The following CHIC1 variants were observed in gnomAD, a reference collection of about 807,000 sequenced individuals.
CHIC1 encodes cysteine-rich hydrophobic domain-containing protein 1.
CHIC1 carries 7 observed loss-of-function variants against 18.5 expected under a neutral mutation model. The observed-to-expected ratio is 0.38, with a 90% confidence interval of 0.22 to 0.71. CHIC1 has a LOEUF of 0.71. Among genes scored for constraint, CHIC1 ranks in the 30% least tolerant of loss-of-function variants. CHIC1 has a pLI of 0.49. For synonymous variants in CHIC1, 77 were observed against 73.5 expected, an observed-to-expected ratio of 1.05 and a Z score of -0.25; for missense variants, 159 against 176.9, an observed-to-expected ratio of 0.90 and a Z score of 0.57.
chrX:73,565,668 G>A (rs1053169450), intron 1 of CHIC1, among the ~76,000 whole-genome samples: 20 of 111,816 alleles, frequency 1.8e-4, no homozygotes, highest in Admixed American at 9.5e-5. Context: ...AATTTAACTG[G>A]ATCTGAGAAA....
At chrX:73,577,676 T>C (rs1327969442) in intron 2 of CHIC1, among the ~76,000 whole-genome samples, 3 of 110,763 alleles carry the variant, frequency 2.7e-5, no homozygotes, top group Non-Finnish European at 5.7e-5. Context: ...CCAGCCATTA[T>C]TTATTTGTCC....
intron 3 of CHIC1, among the ~76,000 whole-genome samples, chrX:73,627,863 G>C (rs774750080): frequency 1.1e-3 from 123 of 111,684 alleles, no homozygotes; most frequent in African/African-American, 3.7e-3. Flanking sequence ...TCTTAGTCAG[G>C]AGTTTTGCCC....
intron 5 of CHIC1, among the ~76,000 whole-genome samples, chrX:73,679,966 T>C: frequency 9.0e-6 from 1 of 111,597 alleles, no homozygotes; most frequent in Non-Finnish European, 1.9e-5. Context: ...ACCTTAATCA[T>C]TTAACATAGG....
chrX:73,619,870 C>T (rs67250530), intron 3 of CHIC1, among the ~76,000 whole-genome samples: 5,173 of 110,363 alleles, frequency 0.047, 323 homozygotes, highest in African/African-American at 0.16. Flanking sequence ...CCCCCACCCC[C>T]CAAAAGGCCC....
intron 3 of CHIC1, among the ~76,000 whole-genome samples, chrX:73,650,973 CA>C (rs2057913417): frequency 9.0e-6 from 1 of 111,620 alleles, no homozygotes; most frequent in Admixed American, 9.5e-5. Flanking sequence ...AGCAGCACAT[CA>C]AAAAACTTAT....
At chrX:73,574,307 T>A (rs1360529366) in intron 1 of CHIC1, among the ~76,000 whole-genome samples, 1 of 111,105 alleles carries the variant, frequency 9.0e-6, no homozygotes, top group Non-Finnish European at 1.9e-5. Context: ...AACTTTTTGA[T>A]GTGCTGCTGG....
intron 3 of CHIC1, among the ~76,000 whole-genome samples, chrX:73,672,162 C>T (rs2058034482): frequency 8.9e-6 from 1 of 111,807 alleles, no homozygotes. Flanking sequence ...TTAATCCAGT[C>T]TATTGTTGTT....
intron 3 of CHIC1, among the ~76,000 whole-genome samples, chrX:73,640,344 A>G (rs1428555618): frequency 2.3e-4 from 26 of 111,773 alleles, no homozygotes; most frequent in Non-Finnish European, 4.5e-4. Context: ...ATTTATTTTC[A>G]TATATTGAAC....
At chrX:73,600,793 G>T (rs1282091146) in intron 3 of CHIC1, among the ~76,000 whole-genome samples, 2 of 106,808 alleles carry the variant, frequency 1.9e-5, no homozygotes, top group Non-Finnish European at 3.8e-5. Context: ...GTCTAAAAGT[G>T]TGCTGTATTC....
At chrX:73,655,401 A>G (rs2057937945) in intron 3 of CHIC1, among the ~76,000 whole-genome samples, 1 of 98,857 alleles carries the variant, frequency 1.0e-5, no homozygotes, top group African/African-American at 3.7e-5. Flanking sequence ...ATATGTACAT[A>G]TATATACAAT....
chrX:73,674,919 A>G (rs1337541009), intron 3 of CHIC1, among the ~76,000 whole-genome samples: 1 of 111,509 alleles, frequency 9.0e-6, no homozygotes, highest in Non-Finnish European at 1.9e-5. Flanking sequence ...TGTCCCAGAG[A>G]TTCTGGTATG....
chrX:73,646,486 C>T, intron 3 of CHIC1, among the ~76,000 whole-genome samples: 2 of 111,887 alleles, frequency 1.8e-5, no homozygotes, highest in Middle Eastern at 4.7e-3. Flanking sequence ...AATATCCTTC[C>T]ATTTGTGTGT....
intron 1 of CHIC1, among the ~76,000 whole-genome samples, chrX:73,575,795 A>C (rs976585710): frequency 9.1e-6 from 1 of 109,841 alleles, no homozygotes; most frequent in African/African-American, 3.3e-5. Flanking sequence ...ATTTATTTTC[A>C]AATGCTATTC....
chrX:73,586,007 T>C (rs2057551365), intron 3 of CHIC1, among the ~76,000 whole-genome samples: 1 of 111,620 alleles, frequency 9.0e-6, no homozygotes, highest in Non-Finnish European at 1.9e-5. Flanking sequence ...TTATTTAATA[T>C]AGATTTGCAA....
intron 3 of CHIC1, among the ~76,000 whole-genome samples, chrX:73,602,772 A>G (rs944302782): frequency 1.8e-5 from 2 of 108,888 alleles, no homozygotes; most frequent in African/African-American, 7.1e-5. Flanking sequence ...TAAATAGGGA[A>G]TCCTTTCCCC....
intron 3 of CHIC1, among the ~76,000 whole-genome samples, chrX:73,612,882 A>T (rs2057715425): frequency 8.9e-6 from 1 of 111,921 alleles, no homozygotes; most frequent in Non-Finnish European, 1.9e-5. Flanking sequence ...GTGTGGATAG[A>T]TGATCTATCT....
chrX:73,600,386 G>A (rs1329319644), intron 3 of CHIC1, among the ~76,000 whole-genome samples: 171 of 99,161 alleles, frequency 1.7e-3, no homozygotes, highest in Non-Finnish European at 3.1e-3. Flanking sequence ...TAGGAGTGGT[G>A]AGAGAGGGCA....
At chrX:73,623,724 A>G (rs1248093924) in intron 3 of CHIC1, among the ~76,000 whole-genome samples, 1 of 111,909 alleles carries the variant, frequency 8.9e-6, no homozygotes, top group African/African-American at 3.2e-5. Flanking sequence ...TATTTTACCA[A>G]AAATACATTT....
chrX:73,627,363 C>T (rs1039313228), intron 3 of CHIC1, among the ~76,000 whole-genome samples: 6 of 112,314 alleles, frequency 5.3e-5, no homozygotes, highest in African/African-American at 1.9e-4. Context: ...GGTGGCAAAT[C>T]CAGCCAGGCC....
Sources: gnomAD v4.1 joint callset for allele counts (sites outside exome capture counted in the v4.1 genomes callset) on GRCh38, gnomAD v4.1.1 for gene constraint, MANE v1.5 for transcripts, NCBI Gene and HGNC (gene_info 2026-07-23, HGNC 2026-07-21) for gene names.